Variants in RYR3 observed in about 807,000 individuals in gnomAD.
The protein encoded by RYR3 is brain ryanodine receptor-calcium release channel.
In RYR3, 207 loss-of-function variants were observed where a neutral mutation model predicts 584.3. The observed-to-expected ratio is 0.35, with a 90% CI of 0.32 to 0.40. The LOEUF (loss-of-function observed/expected upper bound fraction) is 0.40. Among genes scored for constraint, RYR3 ranks in the 10% least tolerant of loss-of-function variants. The pLI, the probability that RYR3 is intolerant of heterozygous loss-of-function variation, is 1.00. For missense variants in RYR3, 5,616 were observed against 6,089.2 expected (o/e 0.92, Z 2.59); for synonymous variants, 2,416 against 2,248.5 (o/e 1.07, Z -2.11).
At chr15:33,505,941 A>G (rs1045522229) in intron 3 of RYR3, among the ~76,000 whole-genome samples, 2 of 152,226 alleles carry the variant, frequency 1.3e-5, no homozygotes, top group African/African-American at 4.8e-5. Flanking sequence ...ATAGAAATTA[A>G]GAAGACAAAG....
chr15:33,725,129 T>G (rs1333798988), intron 45 of RYR3, among the ~76,000 whole-genome samples: 1 of 146,030 alleles, frequency 6.8e-6, no homozygotes, highest in Non-Finnish European at 1.5e-5. Flanking sequence ...TCTTCCTTCC[T>G]TACTGCCTCT....
rs1596936823 is a variant in RYR3 at position 33,838,939 on chromosome 15, A to G, written c.12959A>G (p.Gln4320Arg). The G allele has an allele frequency of 6.2e-7, 1 of 1,609,410 alleles. No individual in the cohort carries two copies. Among genetic ancestry groups the G allele is most frequent in the Non-Finnish European group, 8.5e-7 (1 of 1,178,292 alleles). ...DEPPTLESTV[Q>R]KKRKAQAAEM... ...CCCCCTACATTAGAGAGTACTGTAC[A>G]GAAGAAGAGGAAAGCTCAGGTAAGT... Residue 4320 changes from glutamine to arginine, a missense_variant, in exon 89 of 104, where the codon CAG becomes CGG. This residue lies in a region of RYR3 where 918 missense variants were observed against 887.4 expected (regional missense o/e 1.03). Transcript: ENST00000634891.
chr15:33,338,519 A>C (rs750842646), intron 1 of RYR3, among the ~76,000 whole-genome samples: 2 of 152,152 alleles, frequency 1.3e-5, no homozygotes, highest in Non-Finnish European at 1.5e-5. Flanking sequence ...GGGTGACTGC[A>C]CCTGTAAAGA....
At chr15:33,494,652 C>T (rs2051259897) in intron 2 of RYR3, among the ~76,000 whole-genome samples, 1 of 129,676 alleles carries the variant, frequency 7.7e-6, no homozygotes, top group Non-Finnish European at 1.9e-5. Context: ...TCTTCCTCCC[C>T]ACCTCCCAGA....
chr15:33,566,018 G>A (rs758729222), intron 11 of RYR3, among the ~76,000 whole-genome samples: 4 of 152,144 alleles, frequency 2.6e-5, no homozygotes, highest in Non-Finnish European at 5.9e-5. Context: ...AAGTCTATTT[G>A]CAGATGGTGA....
At chr15:33,790,813 A>C (rs879776255) in intron 67 of RYR3, among the ~76,000 whole-genome samples, 2 of 152,192 alleles carry the variant, frequency 1.3e-5, no homozygotes, top group Non-Finnish European at 2.9e-5. Context: ...GAAGAAGAGG[A>C]ACAGCAAATG....
chr15:33,624,698 G>T (rs931064278), intron 20 of RYR3, among the ~76,000 whole-genome samples: 10 of 152,178 alleles, frequency 6.6e-5, no homozygotes, highest in African/African-American at 2.4e-4. Context: ...CCCCTCCAGG[G>T]TCTGTAATTT....
chr15:33,727,112 G>T (rs2068527729), intron 46 of RYR3, among the ~76,000 whole-genome samples: 1 of 152,218 alleles, frequency 6.6e-6, no homozygotes, highest in Non-Finnish European at 1.5e-5. Flanking sequence ...CCCAGCTTGT[G>T]TAGGCAGTTG....
At chr15:33,363,299 A>T (rs1320688461) in intron 1 of RYR3, among the ~76,000 whole-genome samples, 1 of 152,070 alleles carries the variant, frequency 6.6e-6, no homozygotes, top group African/African-American at 2.4e-5. Flanking sequence ...CAACTAAAAC[A>T]TCTTGGTTCT....
chr15:33,825,839 TCTC>T (rs1395733631), intron 82 of RYR3, 163 bp downstream of exon 82: 2 of 553,750 alleles, frequency 3.6e-6, no homozygotes, highest in African/African-American at 1.9e-5. Flanking sequence ...TTCAAGCACT[TCTC>T]CTGCCTCATC....
chr15:33,759,213 T>A (rs1405366200), intron 60 of RYR3, among the ~76,000 whole-genome samples: 2 of 152,066 alleles, frequency 1.3e-5, no homozygotes, highest in Admixed American at 1.3e-4. Context: ...GGCTAAAAAA[T>A]TCCAAAAACC....
chr15:33,770,625 C>G (rs995543364), intron 62 of RYR3, among the ~76,000 whole-genome samples: 2 of 152,102 alleles, frequency 1.3e-5, no homozygotes, highest in African/African-American at 4.8e-5. Context: ...TGGCACATGC[C>G]TGTGATCCCA....
At chr15:33,794,318 T>TAAAC (rs1345619753) in intron 67 of RYR3, among the ~76,000 whole-genome samples, 469 of 93,508 alleles carry the variant, frequency 5.0e-3, no homozygotes, top group Non-Finnish European at 8.6e-3. Flanking sequence ...TTTATATATA[T>TAAAC]ATATTTTTAT....
Position 33,479,866 on chromosome 15 carries a change from T to G in RYR3, c.171+6328T>G, listed in dbSNP as rs574737765. On this transcript the variant is annotated intron_variant, in intron 2 of 103. Transcript: ENST00000634891. ...GGCATTCCTAAGTTAGAAATATATA[T>G]TTTGCTTAAATCAAACAGGAACTAG... is the stretch of plus-strand genomic sequence containing the variant. Among the ~76,000 whole-genome samples the G allele has an allele frequency of 3.3e-5, 5 of 152,312 alleles. No individual in the cohort carries two copies. In the South Asian group the frequency reaches 1.0e-3, roughly 32 times the overall value.
At chr15:33,581,269 C>G (rs957948731) in intron 13 of RYR3, among the ~76,000 whole-genome samples, 2 of 152,088 alleles carry the variant, frequency 1.3e-5, no homozygotes, top group African/African-American at 4.8e-5. Context: ...GGGGGCAACC[C>G]GTCAGAGGAG....
At chr15:33,783,099 T>C (rs12901404) in intron 65 of RYR3, among the ~76,000 whole-genome samples, 25,780 of 152,226 alleles carry the variant, frequency 0.17, 2,770 homozygotes, top group East Asian at 0.61. Flanking sequence ...CACAAGACTT[T>C]AGAATCTAAT....
rs1193828257 is a variant in RYR3, at chr15:33,725,801, A to AAC, written c.6913-584_6913-583insCA. Among the ~76,000 whole-genome samples the AAC allele has an allele frequency of 2.1e-4, 32 of 149,886 alleles. 1 individual carries two copies. The highest frequency in any genetic ancestry group is 7.1e-4 in the African/African-American group (29 of 40,776). Reference sequence around the variant, plus strand: ...GATGAAACCCCGTCTCTACTAAAAAAAAAAAAAAAATACAAAAAATTAGCC... The same window carrying AAC: ...GATGAAACCCCGTCTCTACTAAAAAAACAAAAAAAAAATACAAAAAATTAGCC... On this transcript the variant is annotated intron_variant, in intron 45 of 103. Coordinates refer to ENST00000634891, the MANE Select transcript of RYR3 (RefSeq NM_001036.6).
intron 92 of RYR3, among the ~76,000 whole-genome samples, chr15:33,844,263 T>C (rs1013991376): frequency 6.6e-5 from 10 of 152,148 alleles, no homozygotes; most frequent in Admixed American, 4.6e-4. Flanking sequence ...TGGAAGTCCA[T>C]AGCCAAGAGA....
intron 1 of RYR3, among the ~76,000 whole-genome samples, chr15:33,337,912 C>T (rs1266974041): frequency 7.0e-6 from 1 of 143,312 alleles, no homozygotes; most frequent in Non-Finnish European, 1.5e-5. Flanking sequence ...AATGATGAGA[C>T]AAGTCTCAAT....
Sources: allele counts gnomAD v4.1 joint callset (sites outside exome capture counted in the v4.1 genomes callset), GRCh38; gene constraint gnomAD v4.1.1; regional missense constraint gnomAD v4.1.1; transcripts MANE v1.5; gene names NCBI Gene and HGNC (gene_info 2026-07-23, HGNC 2026-07-21).